Variants in WDR49 observed in about 807,000 individuals in gnomAD.
WDR49 encodes the protein cilia- and flagella-associated protein 337.
WDR49 carries 107 observed loss-of-function variants against 119.5 expected under a neutral mutation model. That is an observed-to-expected ratio of 0.90 (90% CI 0.77 to 1.05). The LOEUF (loss-of-function observed/expected upper bound fraction) is 1.05. WDR49 is among the 50% of genes least tolerant of loss of function. The pLI, the probability that WDR49 is intolerant of heterozygous loss-of-function variation, is 0.00. For missense variants in WDR49, 1,240 were observed against 1,220.5 expected, an observed-to-expected ratio of 1.02 and a Z score of -0.24; for synonymous variants, 425 against 418.8, an observed-to-expected ratio of 1.01 and a Z score of -0.18.
At chr3:167,588,066 C>T (rs1183391687) in intron 7 of WDR49, among the ~76,000 whole-genome samples, 2 of 152,026 alleles carry the variant, frequency 1.3e-5, no homozygotes, top group African/African-American at 4.8e-5. Context: ...ATTTTTTATA[C>T]CCATTAACCA....
At position 167,560,235 on chromosome 3, in the gene WDR49, G is replaced by A. The variant is rs773474637; in HGVS notation, c.1510-7C>T. On this transcript the variant is annotated splice_polypyrimidine_tract_variant and splice_region_variant and intron_variant, in intron 8 of 18. Coordinates refer to ENST00000682715, the MANE Select transcript of WDR49 (RefSeq NM_001366157.1). ...CTGTATCAGAGCTGATTACCTAAGA[G>A]AAAATAACATTTTAAAGAAATTAAA... 88 of 1,605,498 alleles carry A rather than the reference G, an allele frequency of 5.5e-5. No individual in the cohort carries two copies. The East Asian group carries it at 5.6e-4, about 10-fold the overall frequency.
intron 14 of WDR49, among the ~76,000 whole-genome samples, 199 bp downstream of exon 14, chr3:167,528,853 A>G (rs1481542709): frequency 6.6e-6 from 1 of 152,176 alleles, no homozygotes; most frequent in Non-Finnish European, 1.5e-5. Context: ...AAGGTTGTCA[A>G]TATTGAGAAA....
chr3:167,590,900 A>G (rs1427123580), intron 7 of WDR49, among the ~76,000 whole-genome samples: 1 of 150,706 alleles, frequency 6.6e-6, no homozygotes, highest in Non-Finnish European at 1.5e-5. Flanking sequence ...TGATCTTTGT[A>G]TTCTTTCTTC....
chr3:167,654,628 G>T (rs1178456015), upstream of WDR49, among the ~76,000 whole-genome samples: 1 of 152,232 alleles, frequency 6.6e-6, no homozygotes, highest in Non-Finnish European at 1.5e-5. Flanking sequence ...GGGCAAGGTG[G>T]CTCACGCCTG....
chr3:167,643,474 C>G (rs1167665912), intron 2 of WDR49, among the ~76,000 whole-genome samples: 1 of 152,042 alleles, frequency 6.6e-6, no homozygotes, highest in African/African-American at 2.4e-5. Context: ...GGAAACTAAA[C>G]AGATGAAAGA....
At chr3:167,561,594 T>G (rs1296092190) in intron 8 of WDR49, among the ~76,000 whole-genome samples, 1 of 151,440 alleles carries the variant, frequency 6.6e-6, no homozygotes, top group African/African-American at 2.4e-5. Context: ...CTTGCTGGAG[T>G]GGGGGATTGG....
chr3:167,630,513 G>A (rs2108330170), intron 2 of WDR49, among the ~76,000 whole-genome samples: 1 of 152,218 alleles, frequency 6.6e-6, no homozygotes, highest in South Asian at 2.1e-4. Flanking sequence ...AGGTATGCCT[G>A]TCAAGTGGTT....
chr3:167,512,966 C>T (rs1577208256), intron 16 of WDR49, among the ~76,000 whole-genome samples: 1 of 152,130 alleles, frequency 6.6e-6, no homozygotes, highest in East Asian at 1.9e-4. Context: ...TATAACCAAA[C>T]CTATGACTGA....
At chr3:167,509,664 A>G (rs911816381) in intron 16 of WDR49, among the ~76,000 whole-genome samples, 2 of 152,144 alleles carry the variant, frequency 1.3e-5, no homozygotes, top group African/African-American at 4.8e-5. Context: ...AAAGGCCTTT[A>G]TGCCTTTTGA....
intron 5 of WDR49, among the ~76,000 whole-genome samples, chr3:167,613,103 TC>T (rs1160348563): frequency 1.3e-5 from 2 of 152,156 alleles, no homozygotes; most frequent in Admixed American, 1.3e-4. Context: ...GATACCCCAG[TC>T]CCCAGGTTGT....
intron 5 of WDR49, among the ~76,000 whole-genome samples, chr3:167,608,447 T>G (rs1716168520): frequency 6.6e-6 from 1 of 152,190 alleles, no homozygotes; most frequent in Non-Finnish European, 1.5e-5. Context: ...GCATCCGAAG[T>G]ATTGCTTTAA....
chr3:167,629,880 CA>C (rs1395359235), intron 2 of WDR49, among the ~76,000 whole-genome samples: 1 of 152,024 alleles, frequency 6.6e-6, no homozygotes, highest in African/African-American at 2.4e-5. Flanking sequence ...ATCTCATGAT[CA>C]AACTTAAATG....
chr3:167,585,391 CGTGTGTGTGTGTGTGTGTGT>C (rs59424091), intron 7 of WDR49, among the ~76,000 whole-genome samples: 1 of 137,390 alleles, frequency 7.3e-6, no homozygotes, highest in African/African-American at 2.6e-5. Context: ...TAAAAGGGTG[CGTGTGTGTGTGTGTGTGTGT>C]GTGTGTGTGT....
At chr3:167,577,762 A>T (rs534714570) in intron 7 of WDR49, among the ~76,000 whole-genome samples, 1 of 152,268 alleles carries the variant, frequency 6.6e-6, no homozygotes, top group East Asian at 1.9e-4. Flanking sequence ...TAAATTATCT[A>T]TAAAAGATAG....
chr3:167,586,863 C>T (rs1475306199), intron 7 of WDR49, among the ~76,000 whole-genome samples: 4 of 152,146 alleles, frequency 2.6e-5, no homozygotes, highest in African/African-American at 9.7e-5. Flanking sequence ...GATAGCTGTA[C>T]ATAATCACCT....
chr3:167,602,514 A>G (rs1172453609), intron 6 of WDR49, among the ~76,000 whole-genome samples: 2 of 152,072 alleles, frequency 1.3e-5, no homozygotes, highest in Non-Finnish European at 2.9e-5. Flanking sequence ...GGAAAAGGCT[A>G]TGTATGAGGT....
Position 167,525,215 on chromosome 3 carries a change from A to G in WDR49, c.2604+2605T>C, listed in dbSNP as rs542254210. Among the ~76,000 whole-genome samples the G allele has an allele frequency of 2.0e-5, 3 of 152,012 alleles. No homozygotes were observed. In the South Asian group the frequency reaches 6.2e-4, roughly 32 times the overall value. On this transcript the variant is annotated intron_variant, in intron 15 of 18. Coordinates refer to ENST00000682715, the MANE Select transcript of WDR49 (RefSeq NM_001366157.1). The stretch of plus-strand genomic sequence containing the variant: ...TGATTGGGCTCTCTGCTTGTCTATT[A>G]TTGGTGTACAGGAATGCTTGTGATT...
intron 6 of WDR49, among the ~76,000 whole-genome samples, 172 bp from the exon 7 acceptor site, chr3:167,602,447 T>G (rs1434267950): frequency 1.3e-5 from 2 of 152,036 alleles, no homozygotes; most frequent in Non-Finnish European, 2.9e-5. Flanking sequence ...AGAGCATGAG[T>G]TCTGTCAATA....
chr3:167,537,044 T>G, intron 10 of WDR49, 44 bp from the exon 11 acceptor site: 1 of 1,521,680 alleles, frequency 6.6e-7, no homozygotes. Context: ...CTAAAATTGA[T>G]GTAGACATTG....
Sources: gnomAD v4.1 joint callset for allele counts (sites outside exome capture counted in the v4.1 genomes callset) on GRCh38, gnomAD v4.1.1 for gene constraint, MANE v1.5 for transcripts, NCBI Gene and HGNC (gene_info 2026-07-23, HGNC 2026-07-21) for gene names.